Variants in FAM47E observed in about 807,000 individuals in gnomAD.
FAM47E encodes family with sequence similarity 47 member E.
In FAM47E, 32 loss-of-function variants were observed where a neutral mutation model predicts 41.6. The observed-to-expected ratio is 0.77, with a 90% CI of 0.58 to 1.03. The LOEUF (loss-of-function observed/expected upper bound fraction) is 1.03. Ranked by LOEUF, FAM47E falls within the 50% of genes least tolerant of loss-of-function variation. FAM47E has a pLI of 0.00. For missense variants in FAM47E, 424 were observed against 485.4 expected (o/e 0.87, Z 1.19); for synonymous variants, 184 against 188.7 (o/e 0.98, Z 0.20).
chr4:76,217,901 G>A (rs568899126), intron 2 of FAM47E, among the ~76,000 whole-genome samples: 46 of 152,356 alleles, frequency 3.0e-4, no homozygotes, highest in African/African-American at 1.1e-3. Context: ...AAGGGCTATC[G>A]AGGGGAAGCA....
intron 2 of FAM47E, among the ~76,000 whole-genome samples, chr4:76,225,700 C>T (rs570026985): frequency 8.5e-5 from 13 of 152,268 alleles, no homozygotes; most frequent in South Asian, 2.1e-4. Flanking sequence ...TATTGACTTG[C>T]GTAAGTTAAA....
At chr4:76,241,279 G>C (rs1733704481) in intron 2 of FAM47E, among the ~76,000 whole-genome samples, 1 of 151,962 alleles carries the variant, frequency 6.6e-6, no homozygotes, top group Non-Finnish European at 1.5e-5. Flanking sequence ...GAGAAAAAGA[G>C]AAAAATGAAG....
chr4:76,257,548 T>C (rs1490499216), intron 2 of FAM47E, among the ~76,000 whole-genome samples: 2 of 152,142 alleles, frequency 1.3e-5, no homozygotes, highest in Non-Finnish European at 2.9e-5. Flanking sequence ...ACCCCTGTTC[T>C]GCTCCCTCTC....
Position 76,283,500 on chromosome 4 carries a change from T to C in FAM47E, c.*42T>C, listed in dbSNP as rs1006609806. On this transcript the variant is annotated 3_prime_UTR_variant, in exon 8 of 8. Transcript: ENST00000424749. ...TGATTAGGCAGATTTTATTACTACG[T>C]ACTTGGCTATTTCTCTGTCTCCTTT... 18 of 1,168,466 alleles carry C rather than the reference T, an allele frequency of 1.5e-5. No individual in the cohort carries two copies. The highest frequency in any genetic ancestry group is 1.5e-5 in the African/African-American group (1 of 65,070). 72.4% of individuals were successfully genotyped at this position (1,168,466 alleles called of 1,614,324 possible). A position where few individuals can be genotyped will look rare whatever the true frequency, so the allele number is the denominator to read the frequency against.
intron 2 of FAM47E, among the ~76,000 whole-genome samples, chr4:76,239,760 T>C (rs1560734232): frequency 6.6e-6 from 1 of 152,244 alleles, no homozygotes; most frequent in Non-Finnish European, 1.5e-5. Context: ...CTTTTGTTGT[T>C]GTTGTTGCCT....
chr4:76,278,395 T>C, intron 6 of FAM47E, 171 bp downstream of exon 6: 2 of 660,666 alleles, frequency 3.0e-6, no homozygotes, highest in Non-Finnish European at 4.4e-6. Flanking sequence ...GGAGAATGTG[T>C]AATAAGCAAG....
At chr4:76,270,921 GTT>G (rs1397167579) in intron 4 of FAM47E, among the ~76,000 whole-genome samples, 1 of 152,074 alleles carries the variant, frequency 6.6e-6, no homozygotes, top group African/African-American at 2.4e-5. Flanking sequence ...CCCTGATTCT[GTT>G]TCATGACTCC....
intron 7 of FAM47E, chr4:76,281,289 C>A (rs1344877329): frequency 6.6e-6 from 1 of 152,130 alleles, no homozygotes; most frequent in Non-Finnish European, 1.5e-5. Context: ...CAGAATCAGA[C>A]TGGTTTCAAA....
At position 76,256,479 on chromosome 4, in the gene FAM47E, C is replaced by T. The variant is rs928770639; in HGVS notation, c.376C>T (p.Pro126Ser). The change falls in exon 2 of 8, where the codon CCC becomes TCC. Residue 126 changes from proline (P) to serine (S), a missense_variant. Transcript: ENST00000424749. ...CGTGGAGGCCCACCTGACCCCACAT[C>T]CCTTAGCGCTCTACCTGAATCTGGA... ...EDVEAHLTPH[P>S]LALYLNLEEA... 1 of 1,551,588 alleles carries T rather than the reference C, an allele frequency of 6.4e-7. No homozygotes were observed. Among genetic ancestry groups the T allele is most frequent in the Admixed American group, 2.0e-5 (1 of 51,010 alleles).
At chr4:76,280,134 A>G (rs1489030767) in intron 6 of FAM47E, 130 bp from the exon 7 acceptor site, 1 of 601,222 alleles carries the variant, frequency 1.7e-6, no homozygotes, top group Non-Finnish European at 2.9e-6. Context: ...TTACACACAT[A>G]TTCAAAAACA....
At chr4:76,233,799 C>G (rs1733534414) in intron 2 of FAM47E, among the ~76,000 whole-genome samples, 1 of 152,082 alleles carries the variant, frequency 6.6e-6, no homozygotes, top group African/African-American at 2.4e-5. Context: ...ATATGTAAAA[C>G]CAGATGAAGG....
At chr4:76,214,286 C>T (rs1182713417) in exon 1 of FAM47E, 1 of 456,118 alleles carries the variant, frequency 2.2e-6, no homozygotes, top group Non-Finnish European at 4.4e-6. Context: ...TGCCAGCAAG[C>T]ATGTTCTGCC....
At chr4:76,251,850 C>G (rs1450313603) in intron 1 of FAM47E, 30 bp downstream of exon 1, 8 of 1,389,004 alleles carry the variant, frequency 5.8e-6, no homozygotes, top group Non-Finnish European at 7.4e-6. Context: ...GCCGAGGGCG[C>G]ATCCCACGCG....
chr4:76,248,441 C>G (rs1204321783), upstream of FAM47E, among the ~76,000 whole-genome samples: 1 of 151,998 alleles, frequency 6.6e-6, no homozygotes, highest in Non-Finnish European at 1.5e-5. Context: ...TTTTTGTATA[C>G]AGTATAAGGG....
At chr4:76,265,809 A>C (rs1734607638) in intron 3 of FAM47E, among the ~76,000 whole-genome samples, 1 of 152,216 alleles carries the variant, frequency 6.6e-6, no homozygotes, top group Non-Finnish European at 1.5e-5. Flanking sequence ...ACTCTTGAAC[A>C]CATATATCTG....
At chr4:76,275,810 T>G (rs1445415508) in intron 5 of FAM47E, among the ~76,000 whole-genome samples, 2 of 152,164 alleles carry the variant, frequency 1.3e-5, no homozygotes, top group African/African-American at 4.8e-5. Context: ...TTCCTCTCCT[T>G]CTCCCCTTTC....
chr4:76,225,692 T>C (rs748474087), intron 2 of FAM47E, among the ~76,000 whole-genome samples: 14 of 152,240 alleles, frequency 9.2e-5, no homozygotes, highest in Non-Finnish European at 1.3e-4. Flanking sequence ...ATCACACTTA[T>C]TGACTTGCGT....
At chr4:76,235,153 TA>T (rs1233326521) in intron 2 of FAM47E, among the ~76,000 whole-genome samples, 1 of 151,718 alleles carries the variant, frequency 6.6e-6, no homozygotes. Flanking sequence ...CCGTCCCTAC[TA>T]AAAAATACAA....
chr4:76,256,067 A>G (rs1734177705), intron 1 of FAM47E, 111 bp from the exon 2 acceptor site: 4 of 1,277,926 alleles, frequency 3.1e-6, no homozygotes, highest in Non-Finnish European at 4.2e-6. Context: ...CCCCAACCCT[A>G]AAAGCTGGAG....
Sources: allele counts gnomAD v4.1 joint callset (sites outside exome capture counted in the v4.1 genomes callset), GRCh38; gene constraint gnomAD v4.1.1; transcripts MANE v1.5; gene names NCBI Gene and HGNC (gene_info 2026-07-23, HGNC 2026-07-21).